ZNF292: variants seen among roughly 807,000 people sequenced by gnomAD.
The protein encoded by ZNF292 is zinc finger protein 292.
In ZNF292, 26 loss-of-function variants were observed where a neutral mutation model predicts 217.9. The ratio of observed to expected loss-of-function variants is 0.12; its 90% CI spans 0.09 to 0.17. The LOEUF (loss-of-function observed/expected upper bound fraction) is 0.17, where lower values mean the gene tolerates loss of function less well. Among genes scored for constraint, ZNF292 ranks in the 10% least tolerant of loss-of-function variants. The pLI is 1.00. For synonymous variants in ZNF292, 1,257 were observed against 1,124.1 expected, an observed-to-expected ratio of 1.12 and a Z score of -2.37; for missense variants, 2,904 against 3,175.2, an observed-to-expected ratio of 0.91 and a Z score of 2.05.
intron 7 of ZNF292, among the ~76,000 whole-genome samples, chr6:87,248,497 A>C (rs756671079): frequency 6.6e-6 from 1 of 152,174 alleles, no homozygotes; most frequent in Non-Finnish European, 1.5e-5. Context: ...GTCCCAGGCT[A>C]GTTGGGAAGC....
intron 1 of ZNF292, among the ~76,000 whole-genome samples, chr6:87,208,399 C>T (rs565569502): frequency 6.6e-6 from 1 of 152,120 alleles, no homozygotes; most frequent in East Asian, 1.9e-4. Context: ...TATGGGACCT[C>T]TAGCATTATT....
chr6:87,161,713 G>A (rs1433974849), intron 1 of ZNF292, among the ~76,000 whole-genome samples: 1 of 152,220 alleles, frequency 6.6e-6, no homozygotes, highest in East Asian at 1.9e-4. Flanking sequence ...ACTGCACCCA[G>A]CCTGGTTTTG....
At chr6:87,168,796 G>A (rs998287452) in intron 1 of ZNF292, among the ~76,000 whole-genome samples, 15 of 152,008 alleles carry the variant, frequency 9.9e-5, no homozygotes, top group African/African-American at 2.9e-4. Flanking sequence ...TTTAGAAAGA[G>A]GTAATTAAAT....
chr6:87,240,783 C>T (rs1396304909), intron 5 of ZNF292, among the ~76,000 whole-genome samples: 2 of 152,176 alleles, frequency 1.3e-5, no homozygotes, highest in African/African-American at 4.8e-5. Context: ...ATGAGACTTT[C>T]AAGAAATACG....
intron 1 of ZNF292, among the ~76,000 whole-genome samples, chr6:87,174,554 G>C (rs1281737935): frequency 6.6e-6 from 1 of 152,098 alleles, no homozygotes; most frequent in Non-Finnish European, 1.5e-5. Context: ...TTCCTAAACT[G>C]GTGTTTTTTC....
At chr6:87,247,582 A>G (rs1000524927) in intron 7 of ZNF292, among the ~76,000 whole-genome samples, 3 of 152,160 alleles carry the variant, frequency 2.0e-5, no homozygotes, top group Admixed American at 6.5e-5. Flanking sequence ...ATGAATACCT[A>G]AGATTCCTGC....
chr6:87,172,151 T>G (rs1307543311), intron 1 of ZNF292, among the ~76,000 whole-genome samples: 1 of 152,236 alleles, frequency 6.6e-6, no homozygotes, highest in African/African-American at 2.4e-5. Flanking sequence ...GGGAAGGAAC[T>G]GCATCCACCT....
intron 1 of ZNF292, among the ~76,000 whole-genome samples, chr6:87,155,990 C>T (rs975653288): frequency 6.6e-6 from 1 of 152,234 alleles, no homozygotes; most frequent in African/African-American, 2.4e-5. Context: ...GCGGAAAATC[C>T]CCCCTCCCCT....
At chr6:87,196,097 G>C (rs1771947765) in intron 1 of ZNF292, among the ~76,000 whole-genome samples, 1 of 151,734 alleles carries the variant, frequency 6.6e-6, no homozygotes, top group Admixed American at 6.6e-5. Flanking sequence ...AGCTTATCAA[G>C]AATACTTTCA....
rs756547908 is a variant in ZNF292, at chr6:87,155,720, C to G, written c.129C>G (p.Ala43=). Residue 43 remains alanine, a synonymous_variant, in exon 1 of 8, where the codon GCC becomes GCG. Transcript: ENST00000369577. The stretch of plus-strand genomic sequence containing the variant: ...AGCTGCGGGAGAGCCGGGTACCGGC[C>G]GTGGAAGCGGCCACCGACTACTGTC... The part of the protein sequence containing the change: ...ELQLRESRVP[A]VEAATDYCQQ... 1.3e-6 allele frequency: 2 copies of G among 1,598,820 alleles called. No homozygotes were observed. The highest frequency in any genetic ancestry group is 1.7e-6 in the Non-Finnish European group (2 of 1,174,382).
Position 87,260,034 on chromosome 6 carries a change from C to T in ZNF292, c.6405C>T (p.Tyr2135=). The change falls in exon 8 of 8, where the codon TAC becomes TAT. Residue 2135 remains tyrosine, a synonymous_variant. Coordinates refer to ENST00000369577, the MANE Select transcript of ZNF292 (RefSeq NM_015021.3). Reference sequence around the variant, plus strand: ...TACAGCAAAACTTGATTCTCCATTACCAGGCTGTACACAAATCAGATCTAC... The same window carrying T: ...TACAGCAAAACTTGATTCTCCATTATCAGGCTGTACACAAATCAGATCTAC... ...FTIQQNLILH[Y]QAVHKSDLPA... is the part of the protein sequence containing the mutation. The T allele has an allele frequency of 2.5e-6, 4 of 1,613,560 alleles. No homozygotes were observed. The highest frequency in any genetic ancestry group is 3.4e-6 in the Non-Finnish European group (4 of 1,179,628).
chr6:87,189,220 AAAAT>A (rs966670219), intron 1 of ZNF292, among the ~76,000 whole-genome samples: 105 of 152,150 alleles, frequency 6.9e-4, no homozygotes, highest in African/African-American at 2.1e-3. Flanking sequence ...TAAATAAATA[AAAAT>A]AAATAAATAA....
At chr6:87,247,489 T>C (rs2127845730) in intron 7 of ZNF292, among the ~76,000 whole-genome samples, 1 of 152,276 alleles carries the variant, frequency 6.6e-6, no homozygotes, top group South Asian at 2.1e-4. Flanking sequence ...TCTACCCTCA[T>C]ACAGATTTGG....
chr6:87,157,745 G>A (rs974965246), intron 1 of ZNF292, among the ~76,000 whole-genome samples: 1 of 152,182 alleles, frequency 6.6e-6, no homozygotes, highest in Non-Finnish European at 1.5e-5. Flanking sequence ...CTGGAGTGCA[G>A]TGGTGCGATC....
intron 7 of ZNF292, among the ~76,000 whole-genome samples, chr6:87,253,659 A>G (rs1236581541): frequency 6.6e-6 from 1 of 152,164 alleles, no homozygotes; most frequent in Non-Finnish European, 1.5e-5. Context: ...CCTTTTTAGT[A>G]AAAATACTAA....
chr6:87,199,811 C>A (rs983702856), intron 1 of ZNF292, among the ~76,000 whole-genome samples: 10 of 152,082 alleles, frequency 6.6e-5, no homozygotes, highest in Non-Finnish European at 2.9e-5. Flanking sequence ...TAAGGGAAAA[C>A]CTATTTCTGT....
intron 1 of ZNF292, among the ~76,000 whole-genome samples, chr6:87,183,320 T>C (rs7748191): frequency 0.63 from 95,306 of 152,024 alleles, 31,361 homozygotes; most frequent in African/African-American, 0.83. Context: ...AAAATATATA[T>C]TGTTATCAAA....
intron 5 of ZNF292, among the ~76,000 whole-genome samples, chr6:87,239,555 G>C (rs1484048443): frequency 1.4e-5 from 1 of 72,110 alleles, no homozygotes; most frequent in Non-Finnish European, 3.1e-5. Flanking sequence ...TCCCGGACAG[G>C]GCGGCTGCCG....
chr6:87,221,486 CATTGTGAAA>C (rs2127808862), intron 4 of ZNF292, among the ~76,000 whole-genome samples: 1 of 152,268 alleles, frequency 6.6e-6, no homozygotes, highest in East Asian at 1.9e-4. Flanking sequence ...AGAAAATCTT[CATTGTGAAA>C]ATTGTGAAAA....
Sources: gnomAD v4.1 joint callset for allele counts (sites outside exome capture counted in the v4.1 genomes callset) on GRCh38, gnomAD v4.1.1 for gene constraint, MANE v1.5 for transcripts, NCBI Gene and HGNC (gene_info 2026-07-23, HGNC 2026-07-21) for gene names.